TMEM132E: variants seen among roughly 807,000 people sequenced by gnomAD.
TMEM132E encodes transmembrane protein 132E.
A neutral mutation model predicts 78.5 loss-of-function variants in TMEM132E; 49 were observed. That is an observed-to-expected ratio of 0.62 (90% CI 0.50 to 0.79). The LOEUF (loss-of-function observed/expected upper bound fraction) is 0.79. TMEM132E is among the 30% of genes least tolerant of loss of function. The pLI, the probability that TMEM132E is intolerant of heterozygous loss-of-function variation, is 0.00. For synonymous variants in TMEM132E, 715 were observed against 670.6 expected, an observed-to-expected ratio of 1.07 and a Z score of -1.02; for missense variants, 1,403 against 1,470.9, an observed-to-expected ratio of 0.95 and a Z score of 0.75.
intron 1 of TMEM132E, among the ~76,000 whole-genome samples, chr17:34,611,469 C>T (rs1327882384): frequency 6.6e-6 from 1 of 152,144 alleles, no homozygotes; most frequent in Non-Finnish European, 1.5e-5. Context: ...CTTGAAGGCC[C>T]CTTTCCAGCA....
chr17:34,582,699 G>A (rs188295091), intron 1 of TMEM132E, among the ~76,000 whole-genome samples: 18 of 152,282 alleles, frequency 1.2e-4, no homozygotes, highest in Non-Finnish European at 2.4e-4. Context: ...GGGAGAGGGA[G>A]GTGGGCTGCC....
intron 1 of TMEM132E, among the ~76,000 whole-genome samples, chr17:34,615,822 G>A (rs1210134008): frequency 6.6e-6 from 1 of 151,880 alleles, no homozygotes; most frequent in Non-Finnish European, 1.5e-5. Flanking sequence ...GGCCGTGTGG[G>A]GGATCCATTT....
At chr17:34,625,990 A>G (rs760928502) in intron 1 of TMEM132E, 137 bp from the exon 2 acceptor site, 3 of 799,770 alleles carry the variant, frequency 3.8e-6, no homozygotes, top group Non-Finnish European at 5.7e-6. Flanking sequence ...CGGAGGATGG[A>G]CAGCCAGGCT....
At chr17:34,635,755 T>G in intron 7 of TMEM132E, 1 of 376,434 alleles carries the variant, frequency 2.7e-6, no homozygotes, top group Non-Finnish European at 4.7e-6. Flanking sequence ...GGTTGTTGTT[T>G]TCCTTAGAAT....
rs1907239726 is a variant in TMEM132E, at chr17:34,628,665, C to T, written c.1101C>T (p.Ala367=). 4 of 1,612,904 alleles carry T rather than the reference C, an allele frequency of 2.5e-6. No homozygotes were observed. The highest frequency in any genetic ancestry group is 2.2e-5 in the South Asian group (2 of 90,826). Residue 367 remains alanine (A), a synonymous_variant, in exon 3 of 9, where the codon GCC becomes GCT. Transcript: ENST00000631683. ...TGACTGGGGCAAAGCACTCAACAGC[C>T]ACCGTGGATGTGGCCTGGGCTCAGA... ...ELLTGAKHST[A]TVDVAWAQST...
chr17:34,615,488 G>T (rs1391927426), intron 1 of TMEM132E, among the ~76,000 whole-genome samples: 1 of 151,352 alleles, frequency 6.6e-6, no homozygotes. Context: ...GGTACAGCAA[G>T]GGTGCCTGCA....
At chr17:34,606,877 G>A (rs763017985) in intron 1 of TMEM132E, among the ~76,000 whole-genome samples, 1 of 152,070 alleles carries the variant, frequency 6.6e-6, no homozygotes, top group African/African-American at 2.4e-5. Context: ...CCACTCACTC[G>A]CTCTCTCTCT....
chr17:34,636,685 ATCACT>A (rs1262804500), intron 8 of TMEM132E, among the ~76,000 whole-genome samples: 2 of 152,166 alleles, frequency 1.3e-5, no homozygotes, highest in African/African-American at 2.4e-5. Context: ...CCCCAAGGCA[ATCACT>A]TCTCTCTGAA....
chr17:34,633,615 G>C (rs541245458), intron 6 of TMEM132E, among the ~76,000 whole-genome samples: 1 of 152,374 alleles, frequency 6.6e-6, no homozygotes, highest in East Asian at 1.9e-4. Flanking sequence ...CTAAGAGCAG[G>C]AGGTGGGCGG....
intron 1 of TMEM132E, among the ~76,000 whole-genome samples, chr17:34,586,281 T>TTGTGTGTG (rs60429243): frequency 6.6e-5 from 10 of 150,506 alleles, no homozygotes; most frequent in African/African-American, 2.4e-4. Context: ...AATGAACCAG[T>TTGTGTGTG]TGTGTGTGTG....
intron 1 of TMEM132E, among the ~76,000 whole-genome samples, chr17:34,581,574 C>T (rs1355688661): frequency 1.3e-5 from 2 of 149,764 alleles, no homozygotes; most frequent in Non-Finnish European, 3.0e-5. Context: ...GCGCGCAGGC[C>T]GGTGCGGGGC....
In TMEM132E at chr17:34,638,264, C is replaced by CG. The variant is rs1555565378; in HGVS notation, c.*32_*33insG. 15 of 1,473,290 alleles carry CG rather than the reference C, an allele frequency of 1.0e-5. No homozygotes were observed. In the Admixed American group the frequency reaches 2.9e-4, roughly 29 times the overall value. The allele number at this position is 1,473,290 out of a possible 1,614,324, so 91.3% of individuals were successfully genotyped here. A position where few individuals can be genotyped will look rare whatever the true frequency, so the allele number is the denominator to read the frequency against. On this transcript the variant is annotated 3_prime_UTR_variant, in exon 9 of 9. Transcript: ENST00000631683. ...CAGCCGGAGTAGCAGGGACCCCCCC[C>CG]CCCAACGGGGTCAGCTCGGGGTAGG...
At chr17:34,607,034 C>G (rs1204869291) in intron 1 of TMEM132E, among the ~76,000 whole-genome samples, 3 of 152,228 alleles carry the variant, frequency 2.0e-5, no homozygotes, top group Non-Finnish European at 4.4e-5. Context: ...CATGGCATCC[C>G]TGATGGGAAT....
intron 1 of TMEM132E, among the ~76,000 whole-genome samples, chr17:34,593,915 GC>G (rs1390678377): frequency 6.6e-6 from 1 of 152,178 alleles, no homozygotes; most frequent in East Asian, 1.9e-4. Flanking sequence ...CTCCGGTCAC[GC>G]TGGCTTCTTT....
chr17:34,599,064 C>T (rs1480336924), intron 1 of TMEM132E, among the ~76,000 whole-genome samples: 2 of 152,192 alleles, frequency 1.3e-5, no homozygotes, highest in Non-Finnish European at 2.9e-5. Flanking sequence ...GAGGCATAGA[C>T]AGGGGTCCCA....
At chr17:34,627,119 C>G in intron 2 of TMEM132E, 62 bp downstream of exon 2, 12 of 719,638 alleles carry the variant, frequency 1.7e-5, no homozygotes, top group African/African-American at 5.3e-5. Flanking sequence ...TACCTGACTC[C>G]TTGTGGGTGG....
intron 7 of TMEM132E, 94 bp downstream of exon 7, chr17:34,635,181 C>T (rs1292892291): frequency 1.5e-6 from 2 of 1,362,036 alleles, no homozygotes; most frequent in Non-Finnish European, 2.0e-6. Flanking sequence ...CCCCAACTGG[C>T]CCCCAGAACA....
At chr17:34,634,087 C>T (rs747371516) in intron 6 of TMEM132E, among the ~76,000 whole-genome samples, 11 of 152,194 alleles carry the variant, frequency 7.2e-5, no homozygotes, top group East Asian at 1.9e-4. Context: ...ATTCTGGTTG[C>T]TTGATCCTCC....
chr17:34,598,382 A>G (rs910415926), intron 1 of TMEM132E, among the ~76,000 whole-genome samples: 1 of 152,144 alleles, frequency 6.6e-6, no homozygotes, highest in Non-Finnish European at 1.5e-5. Context: ...CCCATCACCT[A>G]TCTGCCCCCT....
Sources: gnomAD v4.1 joint callset for allele counts (sites outside exome capture counted in the v4.1 genomes callset) on GRCh38, gnomAD v4.1.1 for gene constraint, MANE v1.5 for transcripts, NCBI Gene and HGNC (gene_info 2026-07-23, HGNC 2026-07-21) for gene names.